The following TCN2 variants were observed in gnomAD, a reference collection of about 807,000 sequenced individuals.
The protein encoded by TCN2 is transcobalamin-2.
A neutral mutation model predicts 48.6 loss-of-function variants in TCN2; 34 were observed. The observed-to-expected ratio is 0.70, with a 90% CI of 0.53 to 0.93. The LOEUF (loss-of-function observed/expected upper bound fraction) is 0.93, where lower values mean the gene tolerates loss of function less well. TCN2 is among the 40% of genes least tolerant of loss of function. The pLI is 0.00. For missense variants in TCN2, 652 were observed against 526.1 expected (o/e 1.24, Z -2.34); for synonymous variants, 283 against 212.5 (o/e 1.33, Z -2.89).
At chr22:30,608,975 C>T (rs781197511) in intron 1 of TCN2, among the ~76,000 whole-genome samples, 2 of 152,108 alleles carry the variant, frequency 1.3e-5, no homozygotes, top group African/African-American at 4.8e-5. Context: ...AGCCTCATTC[C>T]TTTATCTGTA....
chr22:30,626,759 T>G lies in TCN2; in HGVS notation c.*238T>G, dbSNP rs2087817268. On this transcript the variant is annotated 3_prime_UTR_variant, in exon 9 of 9. Transcript: ENST00000215838. ...TCTTTCTGGCCAAGTCTGGCCAGCCTGGCCCTGCAGGTCTCCCATGAAGGC... is the reference window on the plus strand; with the variant it reads ...TCTTTCTGGCCAAGTCTGGCCAGCCGGGCCCTGCAGGTCTCCCATGAAGGC... 1.7e-6 allele frequency: 1 copy of G among 599,802 alleles called. No homozygotes were observed. The highest frequency in any genetic ancestry group is 2.8e-5 in the Admixed American group (1 of 36,218). The allele number at this position is 599,802 out of a possible 1,614,324, so 37.2% of individuals were successfully genotyped here.
chr22:30,611,913 A>G (rs1185898960), intron 2 of TCN2, among the ~76,000 whole-genome samples: 1 of 151,756 alleles, frequency 6.6e-6, no homozygotes, highest in Non-Finnish European at 1.5e-5. Context: ...TCTTTCTCAG[A>G]CTCCCTCTTG....
In TCN2 at chr22:30,626,694, C is replaced by A; in HGVS notation, c.*173C>A. On this transcript the variant is annotated 3_prime_UTR_variant, in exon 9 of 9. Transcript: ENST00000215838. ...GCCCTTCGAGGGCCCTATACCATGG[C>A]CCACCTTGGAGCAGAGAGCCAAGCA... The A allele has an allele frequency of 1.4e-6, 1 of 715,118 alleles. No individual in the cohort carries two copies. The highest frequency in any genetic ancestry group is 2.5e-6 in the Non-Finnish European group (1 of 407,820). 44.3% of individuals were successfully genotyped at this position (715,118 alleles called of 1,614,324 possible). A position where few individuals can be genotyped will look rare whatever the true frequency, so the allele number is the denominator to read the frequency against.
In TCN2 at chr22:30,613,017, C is replaced by T. The variant is rs781606712; in HGVS notation, c.402C>T (p.Phe134=). 1 of 1,614,102 alleles carries T rather than the reference C, an allele frequency of 6.2e-7. No homozygotes were observed. The highest frequency in any genetic ancestry group is 1.1e-5 in the South Asian group (1 of 91,084). Residue 134 remains phenylalanine (F), a synonymous_variant, in exon 3 of 9, where the codon TTC becomes TTT. Coordinates refer to ENST00000215838, the MANE Select transcript of TCN2 (RefSeq NM_000355.4). The part of the protein sequence containing the change: ...GDRLVSQLKW[F]LEDEKRAIGH... ...GGCTGGTCTCACAGCTCAAATGGTT[C>T]CTGGAGGATGAGAAGAGAGCCATTG...
At chr22:30,623,721 CATAT>C (rs201561752) in intron 8 of TCN2, among the ~76,000 whole-genome samples, 1 of 138,200 alleles carries the variant, frequency 7.2e-6, no homozygotes, top group South Asian at 2.2e-4. Flanking sequence ...TACAGACACA[CATAT>C]ATATGTATAC....
chr22:30,617,606 C>A, intron 7 of TCN2, 111 bp downstream of exon 7: 3 of 1,425,696 alleles, frequency 2.1e-6, no homozygotes, highest in Non-Finnish European at 2.9e-6. Flanking sequence ...GAGACACTGG[C>A]CCTGCTTCTG....
At chr22:30,623,853 C>CACATGT (rs1434307368) in intron 8 of TCN2, among the ~76,000 whole-genome samples, 6 of 50,366 alleles carry the variant, frequency 1.2e-4, no homozygotes, top group South Asian at 3.8e-4. Flanking sequence ...CATACATACA[C>CACATGT]ATACATACAC....
chr22:30,626,439 T>C, intron 8 of TCN2, 21 bp from the exon 9 acceptor site: 1 of 1,614,112 alleles, frequency 6.2e-7, no homozygotes, highest in Non-Finnish European at 8.5e-7. Flanking sequence ...TCGCCCCTCC[T>C]TGCTCAATCT....
chr22:30,627,101 AG>A lies in TCN2; in HGVS notation c.*583del, dbSNP rs1481350178. On this transcript the variant is annotated 3_prime_UTR_variant, in exon 9 of 9. Coordinates refer to ENST00000215838, the MANE Select transcript of TCN2 (RefSeq NM_000355.4). ...CCTCATACTCCTCAGGTGCAGGGGC[AG>A]GGACAAGAGAAGGGGGAAGTAACCC... 5.9e-6 allele frequency: 1 copy of A among 169,040 alleles called. No homozygotes were observed. Among genetic ancestry groups the A allele is most frequent in the Non-Finnish European group, 1.3e-5 (1 of 77,094 alleles). The allele number at this position is 169,040 out of a possible 1,614,324, so 10.5% of individuals were successfully genotyped here.
intron 1 of TCN2, 139 bp downstream of exon 1, chr22:30,607,534 C>T: frequency 2.6e-6 from 2 of 777,532 alleles, no homozygotes; most frequent in South Asian, 1.8e-5. Flanking sequence ...GCATTTAACA[C>T]ATCCTATTGT....
intron 1 of TCN2, among the ~76,000 whole-genome samples, chr22:30,609,159 CTTTT>C (rs949674610): frequency 7.0e-6 from 1 of 143,066 alleles, no homozygotes; most frequent in Admixed American, 7.0e-5. Context: ...CTTTCTTCTT[CTTTT>C]TTTTTTTTTT....
intron 7 of TCN2, among the ~76,000 whole-genome samples, chr22:30,619,726 G>A (rs1049377038): frequency 3.9e-5 from 6 of 152,138 alleles, no homozygotes; most frequent in Admixed American, 6.5e-5. Context: ...TGGTTCCTTC[G>A]GGTCCTCTAG....
In TCN2 at chr22:30,615,323, G is replaced by C. The variant is rs767980244; in HGVS notation, c.603G>C (p.Leu201Phe). Residue 201 changes from leucine to phenylalanine, a missense_variant, in exon 5 of 9, where the codon TTG becomes TTC. By Grantham distance (22) the Leu-to-Phe change is conservative (BLOSUM62 0). Coordinates refer to ENST00000215838, the MANE Select transcript of TCN2 (RefSeq NM_000355.4). Reference sequence around the variant, plus strand: ...AAGACACAGCAGCCATGGCAGGCTTGGCATTCACCTGTCTGAAGCGCTCAA... The same window carrying C: ...AAGACACAGCAGCCATGGCAGGCTTCGCATTCACCTGTCTGAAGCGCTCAA... ...HSVDTAAMAG[L>F]AFTCLKRSNF... 6.8e-6 allele frequency: 11 copies of C among 1,614,174 alleles called. No individual in the cohort carries two copies. The highest frequency in any genetic ancestry group is 9.3e-6 in the Non-Finnish European group (11 of 1,180,028).
At chr22:30,624,862 C>T (rs936025959) in intron 8 of TCN2, among the ~76,000 whole-genome samples, 4 of 152,322 alleles carry the variant, frequency 2.6e-5, no homozygotes, top group Admixed American at 2.0e-4. Context: ...TTTGAGTTCT[C>T]TTTTGTCTTA....
Position 30,615,730 on chromosome 22 carries a change from G to T in TCN2, c.883G>T (p.Val295Phe), listed in dbSNP as rs770684965. The stretch of plus-strand genomic sequence containing the variant: ...TCTCATGATTTCCCAGCTGCTGCCC[G>T]TTCTGAACCACAAGACCTACATTGA... ...NALMISQLLP[V>F]LNHKTYIDLI... is the part of the protein sequence containing the mutation. The change falls in exon 6 of 9, where the codon GTT becomes TTT. Residue 295 changes from valine to phenylalanine, a missense_variant. Coordinates refer to ENST00000215838, the MANE Select transcript of TCN2 (RefSeq NM_000355.4). The T allele has an allele frequency of 6.2e-7, 1 of 1,614,196 alleles. No individual in the cohort carries two copies. The highest frequency in any genetic ancestry group is 8.5e-7 in the Non-Finnish European group (1 of 1,180,042).
At chr22:30,621,308 C>T (rs1016250855) in intron 7 of TCN2, among the ~76,000 whole-genome samples, 6 of 151,810 alleles carry the variant, frequency 4.0e-5, no homozygotes, top group African/African-American at 1.2e-4. Flanking sequence ...TTCTTAAAAC[C>T]AAAAAAATCC....
Position 30,612,868 on chromosome 22 carries a change from C to A in TCN2, c.258-5C>A, listed in dbSNP as rs987559483. ...TCACAAAGGCATTAACTGGCCTTGT[C>A]CTAGGTCTGCCTTCAGCGAGGATGA... On this transcript the variant is annotated splice_region_variant and splice_polypyrimidine_tract_variant and intron_variant, in intron 2 of 8. Coordinates refer to ENST00000215838, the MANE Select transcript of TCN2 (RefSeq NM_000355.4). 1 of 1,613,104 alleles carries A rather than the reference C, an allele frequency of 6.2e-7. No individual in the cohort carries two copies. The highest frequency in any genetic ancestry group is 1.3e-5 in the African/African-American group (1 of 74,904).
At chr22:30,618,670 GTCTC>G (rs748932999) in intron 7 of TCN2, among the ~76,000 whole-genome samples, 22 of 151,654 alleles carry the variant, frequency 1.5e-4, no homozygotes, top group African/African-American at 2.4e-5. Context: ...TTTAGGCAAG[GTCTC>G]TCTCTGTTAT....
chr22:30,614,401 C>T lies in TCN2; in HGVS notation c.480C>T (p.Gly160=), dbSNP rs1405368539. ...CTAGCTACTACCAGTATGGCCTGGG[C>T]ATTCTGGCCCTGTGTCTCCACCAGA... The part of the protein sequence containing the change: ...PHTSYYQYGL[G]ILALCLHQKR... The change falls in exon 4 of 9, where the codon GGC becomes GGT. Residue 160 remains glycine (G), a synonymous_variant. Transcript: ENST00000215838. 1 of 1,614,178 alleles carries T rather than the reference C, an allele frequency of 6.2e-7. No individual in the cohort carries two copies.
Sources: allele counts gnomAD v4.1 joint callset (sites outside exome capture counted in the v4.1 genomes callset), GRCh38; gene constraint gnomAD v4.1.1; transcripts MANE v1.5; gene names NCBI Gene and HGNC (gene_info 2026-07-23, HGNC 2026-07-21).